Variants in TMEM232 observed in about 807,000 individuals in gnomAD.
TMEM232 encodes the protein transmembrane protein 232.
TMEM232 carries 80 observed loss-of-function variants against 78.8 expected under a neutral mutation model. The observed-to-expected ratio is 1.01, with a 90% confidence interval of 0.85 to 1.22. TMEM232 has a LOEUF of 1.22. TMEM232 is among the 50% of genes most tolerant of loss of function. The probability of loss-of-function intolerance (pLI) is 0.00; values close to 1 mark genes in which losing one functional copy is unlikely to be tolerated. For missense variants in TMEM232, 881 were observed against 742.2 expected (o/e 1.19, Z -2.17); for synonymous variants, 297 against 254.3 (o/e 1.17, Z -1.60).
At chr5:110,524,072 G>A (rs530333866) in intron 12 of TMEM232, among the ~76,000 whole-genome samples, 2 of 150,990 alleles carry the variant, frequency 1.3e-5, no homozygotes, top group East Asian at 3.9e-4. Flanking sequence ...CGACCAGCCT[G>A]ACCAATATGG....
chr5:110,678,218 C>A (rs571881041), intron 1 of TMEM232, among the ~76,000 whole-genome samples: 1 of 152,248 alleles, frequency 6.6e-6, no homozygotes, highest in Admixed American at 6.5e-5. Context: ...GCACCCACCA[C>A]CAAGCCTGGC....
At chr5:110,627,402 G>A (rs922286145) in intron 6 of TMEM232, among the ~76,000 whole-genome samples, 3 of 152,052 alleles carry the variant, frequency 2.0e-5, no homozygotes, top group African/African-American at 7.2e-5. Flanking sequence ...ACAGGGAGTA[G>A]GTCGTGAGAA....
chr5:110,483,813 C>A (rs1041828248), intron 12 of TMEM232, among the ~76,000 whole-genome samples: 2 of 151,962 alleles, frequency 1.3e-5, no homozygotes, highest in Non-Finnish European at 2.9e-5. Context: ...TGGGTATATA[C>A]CCCAAAGGAA....
At chr5:110,472,525 C>T (rs900112479) in intron 12 of TMEM232, among the ~76,000 whole-genome samples, 6 of 151,840 alleles carry the variant, frequency 4.0e-5, no homozygotes, top group African/African-American at 1.5e-4. Context: ...CCAATGAATT[C>T]TTTACAGAAA....
At chr5:110,726,249 T>G (rs1798146435) in intron 1 of TMEM232, among the ~76,000 whole-genome samples, 1 of 152,010 alleles carries the variant, frequency 6.6e-6, no homozygotes, top group African/African-American at 2.4e-5. Flanking sequence ...CCACAGAGGA[T>G]GTGTGAAGAC....
chr5:110,389,042 T>C (rs766818754), intron 4 of TMEM232, among the ~76,000 whole-genome samples: 2 of 151,984 alleles, frequency 1.3e-5, no homozygotes, highest in Non-Finnish European at 1.5e-5. Flanking sequence ...AGGTGGATCA[T>C]CTGAAGTTAG....
intron 10 of TMEM232, among the ~76,000 whole-genome samples, chr5:110,594,608 G>A (rs991531166): frequency 7.2e-5 from 11 of 152,090 alleles, no homozygotes; most frequent in African/African-American, 1.2e-4. Flanking sequence ...TGGGAGGATC[G>A]AGCTTCATGC....
At chr5:110,452,555 T>G (rs1360601013) in intron 12 of TMEM232, among the ~76,000 whole-genome samples, 1 of 152,108 alleles carries the variant, frequency 6.6e-6, no homozygotes, top group Non-Finnish European at 1.5e-5. Flanking sequence ...AAATTAGGAT[T>G]CTCCTGCTGA....
rs539270658 is a variant in TMEM232, at chr5:110,516,291, T to G, written c.1703+12297A>C. On this transcript the variant is annotated intron_variant, in intron 12 of 13. Transcript: ENST00000455884. ...GAACAAACTAAGCATGAATAAAGTTTTGTTAATGTTCTCCTAGTCTTTATA... is the reference window on the plus strand; with the variant it reads ...GAACAAACTAAGCATGAATAAAGTTGTGTTAATGTTCTCCTAGTCTTTATA... 8.4e-4 allele frequency among the ~76,000 whole-genome samples: 128 copies of G among 152,318 alleles called. 1 individual carries two copies. The highest frequency in any genetic ancestry group is 3.0e-3 in the African/African-American group (124 of 41,556).
At position 110,643,112 on chromosome 5, in the gene TMEM232, A is replaced by G. The variant is rs139671036; in HGVS notation, c.126-741T>C. Among the ~76,000 whole-genome samples, 53 of 152,228 alleles carry G rather than the reference A, an allele frequency of 3.5e-4. 1 individual carries two copies. In the East Asian group the frequency reaches 0.01, roughly 29 times the overall value. On this transcript the variant is annotated intron_variant, in intron 2 of 13. Transcript: ENST00000455884. ...ACTTCGGCTCCAACCAGATTTGCCA[A>G]TGAATTAGAAATTAGGCATGAGAGA... is the stretch of plus-strand genomic sequence containing the variant.
At chr5:110,629,668 T>A (rs143249984) in intron 5 of TMEM232, among the ~76,000 whole-genome samples, 1 of 152,148 alleles carries the variant, frequency 6.6e-6, no homozygotes, top group Non-Finnish European at 1.5e-5. Flanking sequence ...TTTTTTCTGA[T>A]ACTTTTATCT....
chr5:110,687,741 C>T (rs1436528513), intron 1 of TMEM232, among the ~76,000 whole-genome samples: 2 of 151,420 alleles, frequency 1.3e-5, no homozygotes, highest in African/African-American at 4.8e-5. Flanking sequence ...TGTGTATATA[C>T]ACACACACAC....
chr5:110,524,241 T>C (rs74819345), intron 12 of TMEM232, among the ~76,000 whole-genome samples: 9,420 of 123,400 alleles, frequency 0.076, 671 homozygotes, highest in African/African-American at 0.21. Flanking sequence ...AGCTTGGGCG[T>C]CAGAACGAGA....
At chr5:110,466,950 A>T (rs1347388740) in intron 12 of TMEM232, among the ~76,000 whole-genome samples, 1 of 152,020 alleles carries the variant, frequency 6.6e-6, no homozygotes, top group Non-Finnish European at 1.5e-5. Context: ...TCCAAAAAAT[A>T]GATCTGGAAG....
chr5:110,718,636 T>C (rs1368698736), intron 1 of TMEM232, among the ~76,000 whole-genome samples: 1 of 152,040 alleles, frequency 6.6e-6, no homozygotes, highest in Non-Finnish European at 1.5e-5. Context: ...GATTAATTTT[T>C]TTTTAGTGTT....
chr5:110,394,929 T>A (rs1379945860), intron 3 of TMEM232, among the ~76,000 whole-genome samples: 2 of 152,128 alleles, frequency 1.3e-5, no homozygotes, highest in Non-Finnish European at 2.9e-5. Context: ...ACTCAAAGCT[T>A]TCAGAATGGT....
At chr5:110,524,250 G>C (rs1770040020) in intron 12 of TMEM232, among the ~76,000 whole-genome samples, 1 of 115,748 alleles carries the variant, frequency 8.6e-6, no homozygotes, top group African/African-American at 4.3e-5. Flanking sequence ...GTCAGAACGA[G>C]ACTCAGTCTC....
intron 2 of TMEM232, among the ~76,000 whole-genome samples, chr5:110,409,205 G>A (rs1755901319): frequency 1.3e-5 from 2 of 152,052 alleles, no homozygotes; most frequent in Admixed American, 1.3e-4. Context: ...TCCCATTTAT[G>A]TCCTGCTGTT....
At chr5:110,512,917 A>C (rs931954851) in intron 12 of TMEM232, among the ~76,000 whole-genome samples, 1 of 152,204 alleles carries the variant, frequency 6.6e-6, no homozygotes, top group Non-Finnish European at 1.5e-5. Flanking sequence ...GTTATTTTTA[A>C]GATTCTTTAT....
Sources: allele counts gnomAD v4.1 joint callset (sites outside exome capture counted in the v4.1 genomes callset), GRCh38; gene constraint gnomAD v4.1.1; transcripts MANE v1.5; gene names NCBI Gene and HGNC (gene_info 2026-07-23, HGNC 2026-07-21).